The following TENM4 variants were observed in gnomAD, a reference collection of about 807,000 sequenced individuals.
The protein encoded by TENM4 is teneurin transmembrane protein 4.
A neutral mutation model predicts 243.3 loss-of-function variants in TENM4; 82 were observed. That is an observed-to-expected ratio of 0.34 (90% CI 0.28 to 0.40). The LOEUF is 0.40. Among genes scored for constraint, TENM4 ranks in the 10% least tolerant of loss-of-function variants. The pLI is 1.00. For missense variants in TENM4, 3,138 were observed against 3,673.3 expected (o/e 0.85, Z 3.77); for synonymous variants, 1,412 against 1,456.3 (o/e 0.97, Z 0.69).
chr11:79,009,717 C>T (rs1858592687), intron 6 of TENM4, among the ~76,000 whole-genome samples: 2 of 152,148 alleles, frequency 1.3e-5, no homozygotes, highest in African/African-American at 2.4e-5. Context: ...AGGGACTTGA[C>T]CAACGTCTTG....
At chr11:79,334,452 C>A (rs74671434) in intron 1 of TENM4, among the ~76,000 whole-genome samples, 1 of 152,158 alleles carries the variant, frequency 6.6e-6, no homozygotes, top group Non-Finnish European at 1.5e-5. Context: ...CCTGACCCAC[C>A]ATTTCTCTAT....
chr11:79,383,478 T>C (rs4426152), intron 1 of TENM4, among the ~76,000 whole-genome samples: 3,456 of 152,308 alleles, frequency 0.023, 58 homozygotes, highest in South Asian at 0.079. Context: ...TATTTTCTGA[T>C]GAGAATCTGA....
chr11:79,401,358 C>T (rs1007831790), intron 1 of TENM4, among the ~76,000 whole-genome samples: 1 of 152,162 alleles, frequency 6.6e-6, no homozygotes, highest in African/African-American at 2.4e-5. Flanking sequence ...ACAAGTTCCC[C>T]AACAGGGTAA....
chr11:79,395,376 A>T (rs1858321572), intron 1 of TENM4, among the ~76,000 whole-genome samples: 1 of 152,196 alleles, frequency 6.6e-6, no homozygotes, highest in South Asian at 2.1e-4. Context: ...CCAGGGGTGA[A>T]TCACACAGAC....
chr11:79,015,190 C>T (rs1187435043), intron 6 of TENM4, among the ~76,000 whole-genome samples: 1 of 152,218 alleles, frequency 6.6e-6, no homozygotes, highest in Non-Finnish European at 1.5e-5. Context: ...CTCACAACAA[C>T]CATAGAAGGT....
At position 78,723,987 on chromosome 11, in the gene TENM4, TTTTCTTTC is replaced by T. The variant is rs375873132; in HGVS notation, c.3551-1078_3551-1071del. On this transcript the variant is annotated intron_variant, in intron 23 of 33. Transcript: ENST00000278550. Reference sequence around the variant, plus strand: ...TAATTAACTACTTTCTTTCTTTTCTTTTTCTTTCTTTCTTTCTTTCTTGCCTACCCTCC... The same window carrying T: ...TAATTAACTACTTTCTTTCTTTTCTTTTTCTTTCTTTCTTGCCTACCCTCC... Among the ~76,000 whole-genome samples, 15 of 151,884 alleles carry T rather than the reference TTTTCTTTC, an allele frequency of 9.9e-5. No homozygotes were observed. In the South Asian group the frequency reaches 2.3e-3, roughly 23 times the overall value.
intron 15 of TENM4, among the ~76,000 whole-genome samples, chr11:78,788,656 A>T (rs936529179): frequency 4.6e-5 from 7 of 152,266 alleles, no homozygotes; most frequent in African/African-American, 1.7e-4. Flanking sequence ...AAAAGGCATG[A>T]CAAAGATCAA....
In TENM4 at chr11:79,419,765, C is replaced by T. The variant is rs76501449; in HGVS notation, c.-321+20744G>A. Among the ~76,000 whole-genome samples the T allele has an allele frequency of 4.6e-3, 701 of 152,316 alleles. 8 individuals are homozygous for T. Among genetic ancestry groups the T allele is most frequent in the African/African-American group, 0.016 (678 of 41,558 alleles). On this transcript the variant is annotated intron_variant, in intron 1 of 33. Coordinates refer to ENST00000278550, the MANE Select transcript of TENM4 (RefSeq NM_001098816.3). ...TGCAAAGCATGTCAGACATCATCCA[C>T]ATCTCCACTCCTTGGCCTGACGTCC...
At chr11:79,349,324 A>G (rs565693828) in intron 1 of TENM4, among the ~76,000 whole-genome samples, 1 of 152,344 alleles carries the variant, frequency 6.6e-6, no homozygotes, top group Admixed American at 6.5e-5. Flanking sequence ...AAATAGAAAA[A>G]AAAGATTTCA....
chr11:79,175,995 G>T (rs2135127139), intron 3 of TENM4, among the ~76,000 whole-genome samples: 1 of 152,136 alleles, frequency 6.6e-6, no homozygotes, highest in Non-Finnish European at 1.5e-5. Context: ...GGGAGGAAGA[G>T]GTGGGAGGAT....
intron 2 of TENM4, among the ~76,000 whole-genome samples, chr11:79,245,596 A>G (rs1855496776): frequency 6.6e-6 from 1 of 152,190 alleles, no homozygotes; most frequent in Non-Finnish European, 1.5e-5. Context: ...ATGTCACGTG[A>G]AAAGTACCTA....
At chr11:78,796,124 G>A (rs2136062386) in intron 15 of TENM4, among the ~76,000 whole-genome samples, 1 of 152,234 alleles carries the variant, frequency 6.6e-6, no homozygotes, top group South Asian at 2.1e-4. Context: ...GTATGTGGGT[G>A]CAGAGCAGGT....
chr11:79,039,886 A>G (rs1457970718), intron 6 of TENM4, among the ~76,000 whole-genome samples: 4 of 152,258 alleles, frequency 2.6e-5, no homozygotes, highest in African/African-American at 9.6e-5. Context: ...AAAGCATTCA[A>G]CACAGTGTCA....
chr11:78,731,417 G>T (rs528787103), intron 21 of TENM4, among the ~76,000 whole-genome samples: 7 of 152,202 alleles, frequency 4.6e-5, no homozygotes, highest in Non-Finnish European at 8.8e-5. Flanking sequence ...AACAGGGTAC[G>T]CACGGAAAGG....
At chr11:78,921,009 T>G (rs1325230367) in intron 6 of TENM4, among the ~76,000 whole-genome samples, 2 of 152,202 alleles carry the variant, frequency 1.3e-5, no homozygotes, top group African/African-American at 4.8e-5. Context: ...ATCAACTTCA[T>G]TTCACGAATG....
At chr11:79,194,697 T>G (rs543304335) in intron 3 of TENM4, among the ~76,000 whole-genome samples, 1 of 152,312 alleles carries the variant, frequency 6.6e-6, no homozygotes, top group South Asian at 2.1e-4. Context: ...ACTTGGGTAC[T>G]GTTAAAGGCA....
intron 3 of TENM4, among the ~76,000 whole-genome samples, chr11:79,202,886 C>T (rs1255738932): frequency 6.6e-6 from 1 of 152,178 alleles, no homozygotes; most frequent in East Asian, 1.9e-4. Context: ...TACTCTGTTC[C>T]CAGGACATGC....
At chr11:79,081,246 A>G (rs765452170) in intron 4 of TENM4, among the ~76,000 whole-genome samples, 1 of 152,216 alleles carries the variant, frequency 6.6e-6, no homozygotes, top group Non-Finnish European at 1.5e-5. Flanking sequence ...TCTGTGGCTA[A>G]GGGAGGATTT....
At chr11:79,023,958 T>C (rs1859003707) in intron 6 of TENM4, among the ~76,000 whole-genome samples, 1 of 152,228 alleles carries the variant, frequency 6.6e-6, no homozygotes, top group Admixed American at 6.5e-5. Flanking sequence ...ACATTAAGCA[T>C]TGCTAGAACT....
Sources: allele counts gnomAD v4.1 joint callset (sites outside exome capture counted in the v4.1 genomes callset), GRCh38; gene constraint gnomAD v4.1.1; transcripts MANE v1.5; gene names NCBI Gene and HGNC (gene_info 2026-07-23, HGNC 2026-07-21).